Variants in SORBS2 observed in about 807,000 individuals in gnomAD.
The protein encoded by SORBS2 is sorbin and SH3 domain containing 2.
SORBS2 carries 46 observed loss-of-function variants against 97.7 expected under a neutral mutation model. The ratio of observed to expected loss-of-function variants is 0.47; its 90% confidence interval spans 0.37 to 0.60. The LOEUF is 0.60. Ranked by LOEUF, SORBS2 falls within the 20% of genes least tolerant of loss-of-function variation. The pLI, the probability that SORBS2 is intolerant of heterozygous loss-of-function variation, is 0.00. For missense variants in SORBS2, 1,316 were observed against 1,282.3 expected, an observed-to-expected ratio of 1.03 and a Z score of -0.40; for synonymous variants, 476 against 473.4, an observed-to-expected ratio of 1.01 and a Z score of -0.07.
intron 4 of SORBS2, among the ~76,000 whole-genome samples, chr4:185,673,214 T>C (rs780524361): frequency 1.3e-5 from 2 of 152,180 alleles, no homozygotes; most frequent in Non-Finnish European, 2.9e-5. Flanking sequence ...GTTTTAGTTA[T>C]GCAAGATGAA....
At chr4:185,818,822 T>G (rs2099194925) in intron 1 of SORBS2, among the ~76,000 whole-genome samples, 1 of 129,188 alleles carries the variant, frequency 7.7e-6, no homozygotes, top group Admixed American at 7.7e-5. Context: ...CGAGACTCTG[T>G]CTCAAAAAAA....
intron 1 of SORBS2, chr4:185,811,051 C>T (rs1189185087): frequency 6.6e-6 from 1 of 152,112 alleles, no homozygotes; most frequent in Non-Finnish European, 1.5e-5. Flanking sequence ...CATGCAGATA[C>T]TCGGAAAGGA....
At chr4:185,889,346 T>C (rs903772378) in intron 1 of SORBS2, among the ~76,000 whole-genome samples, 12 of 151,860 alleles carry the variant, frequency 7.9e-5, no homozygotes, top group African/African-American at 2.7e-4. Context: ...CTACTTGATT[T>C]TTTCCACAGT....
intron 1 of SORBS2, among the ~76,000 whole-genome samples, chr4:185,867,865 C>T (rs995315402): frequency 1.3e-5 from 2 of 152,050 alleles, no homozygotes; most frequent in Non-Finnish European, 1.5e-5. Flanking sequence ...GAGGGGGCAC[C>T]GTCTCTAGGG....
intron 1 of SORBS2, among the ~76,000 whole-genome samples, chr4:185,903,862 C>G (rs2099249137): frequency 6.6e-6 from 1 of 152,190 alleles, no homozygotes; most frequent in African/African-American, 2.4e-5. Flanking sequence ...TTAAAATCAA[C>G]AGAGCATGCA....
intron 2 of SORBS2, chr4:185,772,255 T>A (rs761717039): frequency 6.6e-6 from 1 of 152,222 alleles, no homozygotes; most frequent in Non-Finnish European, 1.5e-5. Flanking sequence ...TGGGTCGCCA[T>A]GCTTTTCTGA....
intron 4 of SORBS2, chr4:185,677,378 C>T (rs774689807): frequency 1.4e-5 from 22 of 1,552,198 alleles, no homozygotes; most frequent in Middle Eastern, 1.7e-4. Context: ...GTGCAGGATC[C>T]GTGCTGGAAG....
At chr4:185,625,883 T>G (rs1160445029) in intron 6 of SORBS2, among the ~76,000 whole-genome samples, 1 of 152,252 alleles carries the variant, frequency 6.6e-6, no homozygotes, top group Non-Finnish European at 1.5e-5. Flanking sequence ...TTTTAGTGAC[T>G]ATAGTTGATA....
At chr4:185,919,991 T>C (rs886311966) in intron 1 of SORBS2, among the ~76,000 whole-genome samples, 2 of 152,226 alleles carry the variant, frequency 1.3e-5, no homozygotes, top group African/African-American at 4.8e-5. Context: ...TTAATCTTCC[T>C]CAATAATATG....
intron 2 of SORBS2, among the ~76,000 whole-genome samples, chr4:185,736,756 TG>T (rs2098690308): frequency 6.6e-6 from 1 of 152,136 alleles, no homozygotes; most frequent in South Asian, 2.1e-4. Flanking sequence ...CACACGTCTG[TG>T]TGTGCCACAA....
At chr4:185,701,579 A>C (rs569214733) in intron 2 of SORBS2, among the ~76,000 whole-genome samples, 2 of 152,280 alleles carry the variant, frequency 1.3e-5, no homozygotes, top group African/African-American at 4.8e-5. Context: ...ACATGCATTT[A>C]CATTGATTCT....
At chr4:185,764,753 C>A (rs10033419) in intron 2 of SORBS2, among the ~76,000 whole-genome samples, 1 of 152,024 alleles carries the variant, frequency 6.6e-6, no homozygotes, top group African/African-American at 2.4e-5. Flanking sequence ...TTTATTGAGT[C>A]GTTCAAATGA....
chr4:185,946,086 C>A (rs939448560), intron 1 of SORBS2, among the ~76,000 whole-genome samples: 2 of 144,156 alleles, frequency 1.4e-5, no homozygotes, highest in East Asian at 2.0e-4. Context: ...GGAAGTGATC[C>A]TTTTGGGGTT....
rs2097914867 is a variant in SORBS2, at chr4:185,684,150, T to C, written c.-197-5328A>G. On this transcript the variant is annotated intron_variant, in intron 2 of 20. Transcript: ENST00000284776. The surrounding 1 kb of genome is among the most constrained non-coding windows in gnomAD (Gnocchi z 4.2). The stretch of plus-strand genomic sequence containing the variant: ...CTCCCAGTGCAGACTGTGCCTTAGG[T>C]ACTGTGCCTAACTTCGGTACTGTGG... Among the ~76,000 whole-genome samples, 1 of 152,134 alleles carries C rather than the reference T, an allele frequency of 6.6e-6. No individual in the cohort carries two copies. Among genetic ancestry groups the C allele is most frequent in the South Asian group, 2.1e-4 (1 of 4,830 alleles).
At chr4:185,713,359 T>G (rs1175271961) in intron 2 of SORBS2, among the ~76,000 whole-genome samples, 2 of 152,216 alleles carry the variant, frequency 1.3e-5, no homozygotes, top group Non-Finnish European at 2.9e-5. Context: ...TCCTTTGTCT[T>G]TTAAAAGTTT....
intron 1 of SORBS2, among the ~76,000 whole-genome samples, chr4:185,932,278 A>C (rs1001275183): frequency 1.3e-5 from 2 of 151,688 alleles, no homozygotes; most frequent in Non-Finnish European, 1.5e-5. Context: ...ATCCCCTGAT[A>C]TACTGAAGAA....
chr4:185,893,415 T>A (rs1385364258), intron 1 of SORBS2, among the ~76,000 whole-genome samples: 1 of 152,220 alleles, frequency 6.6e-6, no homozygotes, highest in African/African-American at 2.4e-5. Context: ...CTAGCAGGGC[T>A]GGAGCTTGTC....
chr4:185,692,801 T>G (rs2098119607), intron 2 of SORBS2, among the ~76,000 whole-genome samples: 1 of 101,812 alleles, frequency 9.8e-6, no homozygotes, highest in African/African-American at 3.7e-5. Flanking sequence ...CATGTATATG[T>G]GCACACATAC....
At chr4:185,806,284 T>G (rs544427852) in intron 1 of SORBS2, among the ~76,000 whole-genome samples, 47 of 152,312 alleles carry the variant, frequency 3.1e-4, no homozygotes, top group Non-Finnish European at 5.1e-4. Context: ...GAATGAATAT[T>G]TATACTAATA....
Sources: gnomAD v4.1 joint callset for allele counts (sites outside exome capture counted in the v4.1 genomes callset) on GRCh38, gnomAD v4.1.1 for gene constraint, Gnocchi (gnomAD v3.1) non-coding constraint, MANE v1.5 for transcripts, NCBI Gene and HGNC (gene_info 2026-07-23, HGNC 2026-07-21) for gene names.